ABCG1: variants seen among roughly 807,000 people sequenced by gnomAD.
ABCG1 encodes the protein ATP binding cassette subfamily G member 1.
Under a neutral mutation model 69.2 loss-of-function variants are expected in ABCG1, and 29 were observed. The ratio of observed to expected loss-of-function variants is 0.42; its 90% confidence interval spans 0.31 to 0.57. The LOEUF (loss-of-function observed/expected upper bound fraction) is 0.57, where lower values mean the gene tolerates loss of function less well. Ranked by LOEUF, ABCG1 falls within the 20% of genes least tolerant of loss-of-function variation. The pLI is 0.15. For missense variants in ABCG1, 718 were observed against 898.1 expected (o/e 0.80, Z 2.56); for synonymous variants, 370 against 374.8 (o/e 0.99, Z 0.15).
intron 2 of ABCG1, among the ~76,000 whole-genome samples, chr21:42,227,711 A>G (rs1468329639): frequency 6.6e-6 from 1 of 152,322 alleles, no homozygotes; most frequent in East Asian, 1.9e-4. Flanking sequence ...AGACTGGGTC[A>G]TTTTTAAAGG....
In ABCG1 at chr21:42,291,877, G is replaced by C. The variant is rs1419344366; in HGVS notation, c.1653+221G>C. 1.3e-5 allele frequency among the ~76,000 whole-genome samples: 2 copies of C among 152,186 alleles called. No homozygotes were observed. Among genetic ancestry groups the C allele is most frequent in the Non-Finnish European group, 1.5e-5 (1 of 68,016 alleles). On this transcript the variant is annotated intron_variant, in intron 13 of 14. Transcript: ENST00000398449. This position sits in a 1 kb window ranked among gnomAD's most constrained non-coding sequence, Gnocchi z 6.4. ...CCTCACGTGTGCTGACTGCGTGCTG[G>C]GCGCTCTTCCCAGCGCTTCCCAGAT...
At chr21:42,202,110 G>T (rs766988013) in intron 2 of ABCG1, among the ~76,000 whole-genome samples, 1 of 152,156 alleles carries the variant, frequency 6.6e-6, no homozygotes, top group Admixed American at 6.5e-5. Context: ...GTTTACCCAC[G>T]GATGGATCCC....
chr21:42,239,954 C>T (rs1054137499), intron 2 of ABCG1, among the ~76,000 whole-genome samples: 4 of 152,190 alleles, frequency 2.6e-5, no homozygotes, highest in Non-Finnish European at 5.9e-5. Flanking sequence ...TGGTGATTGC[C>T]AGGCTTCCAG....
intron 2 of ABCG1, among the ~76,000 whole-genome samples, chr21:42,241,101 CTT>C (rs2068044755): frequency 6.6e-6 from 1 of 152,258 alleles, no homozygotes; most frequent in African/African-American, 2.4e-5. Flanking sequence ...CTCTGGGACT[CTT>C]ATCCTTCTGA....
chr21:42,294,837 A>C, intron 14 of ABCG1, 177 bp downstream of exon 14: 1 of 605,240 alleles, frequency 1.7e-6, no homozygotes, highest in Non-Finnish European at 3.0e-6. Context: ...TACCCTCACC[A>C]ACACACACAC....
intron 2 of ABCG1, among the ~76,000 whole-genome samples, chr21:42,230,500 G>T (rs2067885270): frequency 6.6e-6 from 1 of 152,208 alleles, no homozygotes; most frequent in Non-Finnish European, 1.5e-5. Context: ...CTCACCCTTA[G>T]GTGTGACTCT....
At chr21:42,280,807 C>T (rs554442664) in intron 5 of ABCG1, among the ~76,000 whole-genome samples, 1 of 152,362 alleles carries the variant, frequency 6.6e-6, no homozygotes, top group South Asian at 2.1e-4. Context: ...CCAAGAGCGT[C>T]GCCCAGTGGT....
rs754622289 is a variant in ABCG1 at position 42,287,877 on chromosome 21, T to G, written c.974-12T>G. Reference sequence around the variant, plus strand: ...TGGAGCCCGGGCTGACCCCCGTCTGTGTCTCCTGCAGTCATGGAGGTTGCA... The same window carrying G: ...TGGAGCCCGGGCTGACCCCCGTCTGGGTCTCCTGCAGTCATGGAGGTTGCA... On this transcript the variant is annotated splice_polypyrimidine_tract_variant and intron_variant, in intron 8 of 14. Transcript: ENST00000398449. This position sits in a 1 kb window ranked among gnomAD's most constrained non-coding sequence, Gnocchi z 6.2. 1 of 1,550,618 alleles carries G rather than the reference T, an allele frequency of 6.4e-7. No homozygotes were observed. Among genetic ancestry groups the G allele is most frequent in the Non-Finnish European group, 8.7e-7 (1 of 1,145,940 alleles).
At chr21:42,233,621 C>T (rs1265767950) in intron 2 of ABCG1, among the ~76,000 whole-genome samples, 1 of 152,208 alleles carries the variant, frequency 6.6e-6, no homozygotes, top group African/African-American at 2.4e-5. Context: ...GGGAAAAGCC[C>T]AGCCAAGTAC....
At chr21:42,210,230 C>A (rs1428158720) in intron 2 of ABCG1, among the ~76,000 whole-genome samples, 1 of 152,148 alleles carries the variant, frequency 6.6e-6, no homozygotes, top group East Asian at 1.9e-4. Context: ...TCCAGAACAT[C>A]AGTAGTGGCC....
At chr21:42,265,145 C>T (rs1318547752) in intron 2 of ABCG1, among the ~76,000 whole-genome samples, 6 of 152,184 alleles carry the variant, frequency 3.9e-5, no homozygotes, top group African/African-American at 4.8e-5. Context: ...GGCTGCACCC[C>T]GATAACAGAG....
intron 2 of ABCG1, among the ~76,000 whole-genome samples, chr21:42,245,659 A>G (rs774500466): frequency 2.0e-5 from 3 of 152,234 alleles, no homozygotes; most frequent in Non-Finnish European, 4.4e-5. Flanking sequence ...GGATCTGCAA[A>G]CAGGAGTCGC....
chr21:42,260,101 C>T (rs1817890380), intron 2 of ABCG1: 1 of 1,550,422 alleles, frequency 6.4e-7, no homozygotes, highest in Non-Finnish European at 8.7e-7. Context: ...GCAGGAAGGG[C>T]CTATGGTTGG....
At chr21:42,290,024 TG>T (rs1244806379) in intron 10 of ABCG1, 25 bp from the exon 11 acceptor site, 1 of 1,614,218 alleles carries the variant, frequency 6.2e-7, no homozygotes, top group East Asian at 2.2e-5. Flanking sequence ...GCGAACGCAC[TG>T]GGTAAGATGC....
chr21:42,285,735 T>C (rs2068926931), intron 7 of ABCG1, 145 bp from the exon 8 acceptor site: 1 of 668,320 alleles, frequency 1.5e-6, no homozygotes, highest in Non-Finnish European at 2.7e-6. Context: ...TTGGGGGTGA[T>C]GTAAAGCTCT....
chr21:42,231,914 G>A (rs868143863), intron 2 of ABCG1, among the ~76,000 whole-genome samples: 5 of 152,216 alleles, frequency 3.3e-5, no homozygotes, highest in Admixed American at 1.3e-4. Flanking sequence ...GTGCAGTGTC[G>A]TGGCCCCAGG....
At chr21:42,241,478 G>T (rs1038625677) in intron 2 of ABCG1, among the ~76,000 whole-genome samples, 1 of 151,860 alleles carries the variant, frequency 6.6e-6, no homozygotes, top group Admixed American at 6.6e-5. Context: ...GATGGTACAC[G>T]CCTGTAGTCC....
chr21:42,278,403 C>T (rs930024455), intron 5 of ABCG1, among the ~76,000 whole-genome samples: 13 of 152,248 alleles, frequency 8.5e-5, no homozygotes, highest in African/African-American at 3.1e-4. Context: ...AAAGCCTACA[C>T]CCCAGAAACC....
upstream of ABCG1, among the ~76,000 whole-genome samples, chr21:42,215,602 G>C (rs2067631288): frequency 6.6e-6 from 1 of 152,166 alleles, no homozygotes; most frequent in Non-Finnish European, 1.5e-5. Context: ...CACTGAATAG[G>C]TGTTCTTTGG....
Sources: allele counts gnomAD v4.1 joint callset (sites outside exome capture counted in the v4.1 genomes callset), GRCh38; gene constraint gnomAD v4.1.1; non-coding constraint Gnocchi (gnomAD v3.1); transcripts MANE v1.5; gene names NCBI Gene and HGNC (gene_info 2026-07-23, HGNC 2026-07-21).